RPSA2: variants seen among roughly 807,000 people sequenced by gnomAD.
RPSA2 encodes small ribosomal subunit protein uS2B.
the RPSA2 span, among the ~76,000 whole-genome samples, chr19:23,779,528 TTATTTTTGCTAATCACC>T: frequency 2.3e-4 from 35 of 152,306 alleles, 1 homozygote; most frequent in Non-Finnish European, 2.4e-4. Context: ...ATTAGGACAT[TTATTTTTGCTAATCACC>T]TAAGTGATAT....
the RPSA2 span, among the ~76,000 whole-genome samples, chr19:23,797,706 C>T: frequency 6.6e-6 from 1 of 152,130 alleles, no homozygotes; most frequent in Non-Finnish European, 1.5e-5. Flanking sequence ...ATTGTTGTGT[C>T]AGAATCTAAA....
At chr19:23,868,680 C>A in the RPSA2 span, among the ~76,000 whole-genome samples, 3 of 152,106 alleles carry the variant, frequency 2.0e-5, no homozygotes, top group African/African-American at 7.2e-5. Context: ...TTATGGAAAT[C>A]CCTGGAAGAA....
the RPSA2 span, among the ~76,000 whole-genome samples, chr19:23,836,703 G>A: frequency 6.6e-6 from 1 of 152,104 alleles, no homozygotes; most frequent in Admixed American, 6.6e-5. Flanking sequence ...TTTGATTACG[G>A]CCATTCCTGC....
chr19:23,784,013 G>A, the RPSA2 span, among the ~76,000 whole-genome samples: 15 of 152,154 alleles, frequency 9.9e-5, no homozygotes, highest in Admixed American at 2.0e-4. Flanking sequence ...CCCTGGCCCA[G>A]CACACAGTTG....
chr19:23,783,410 A>G, the RPSA2 span, among the ~76,000 whole-genome samples: 1 of 152,002 alleles, frequency 6.6e-6, no homozygotes, highest in Non-Finnish European at 1.5e-5. Context: ...CATTTATTTC[A>G]ACATATCTCT....
chr19:23,773,943 C>A, the RPSA2 span, among the ~76,000 whole-genome samples: 2 of 152,138 alleles, frequency 1.3e-5, no homozygotes, highest in East Asian at 3.9e-4. Context: ...TAATTTCATC[C>A]CTGCACCTTC....
chr19:23,854,740 A>G, the RPSA2 span, among the ~76,000 whole-genome samples: 1 of 152,222 alleles, frequency 6.6e-6, no homozygotes, highest in Non-Finnish European at 1.5e-5. Flanking sequence ...GACTGCAATT[A>G]TAGCAGGCTC....
the RPSA2 span, among the ~76,000 whole-genome samples, chr19:23,764,988 T>C: frequency 6.6e-6 from 1 of 152,080 alleles, no homozygotes; most frequent in Non-Finnish European, 1.5e-5. Context: ...ACAGTGGCCA[T>C]ATATCTTGGA....
the RPSA2 span, among the ~76,000 whole-genome samples, chr19:23,794,936 A>G: frequency 6.6e-6 from 1 of 152,170 alleles, no homozygotes; most frequent in African/African-American, 2.4e-5. Flanking sequence ...TAAATAGGGA[A>G]TTCTTTCCAC....
At chr19:23,764,894 A>G in the RPSA2 span, among the ~76,000 whole-genome samples, 11 of 151,776 alleles carry the variant, frequency 7.2e-5, no homozygotes, top group African/African-American at 2.7e-4. Flanking sequence ...TTTGCTTTGG[A>G]GAAATTACAG....
the RPSA2 span, among the ~76,000 whole-genome samples, chr19:23,775,180 G>A: frequency 6.6e-6 from 1 of 152,152 alleles, no homozygotes; most frequent in Non-Finnish European, 1.5e-5. Flanking sequence ...TTGTTTTTGT[G>A]TATGCACACT....
At chr19:23,827,408 G>A in the RPSA2 span, 6 of 1,453,942 alleles carry the variant, frequency 4.1e-6, no homozygotes, top group South Asian at 5.7e-5. Flanking sequence ...CAGGAATACT[G>A]GCCAGAGGGC....
the RPSA2 span, among the ~76,000 whole-genome samples, chr19:23,836,451 C>T: frequency 6.6e-6 from 1 of 152,134 alleles, no homozygotes; most frequent in Non-Finnish European, 1.5e-5. Context: ...CAGAATTTTG[C>T]AATTGTGAAT....
chr19:23,847,718 G>A, the RPSA2 span, among the ~76,000 whole-genome samples: 4 of 152,138 alleles, frequency 2.6e-5, no homozygotes, highest in African/African-American at 9.7e-5. Flanking sequence ...ATCCTAGTAA[G>A]CCTGAGGGTA....
chr19:23,779,001 T>TTG, the RPSA2 span, among the ~76,000 whole-genome samples: 505 of 133,642 alleles, frequency 3.8e-3, 6 homozygotes, highest in Non-Finnish European at 4.4e-3. Flanking sequence ...GACACTTTTT[T>TTG]TTTTTTTTTT....
the RPSA2 span, among the ~76,000 whole-genome samples, chr19:23,806,661 A>G: frequency 2.6e-5 from 4 of 151,530 alleles, no homozygotes; most frequent in Admixed American, 2.0e-4. Context: ...GGCACGTGCT[A>G]GTAGTCCCAG....
chr19:23,760,915 T>A, the RPSA2 span, among the ~76,000 whole-genome samples: 3 of 151,414 alleles, frequency 2.0e-5, no homozygotes, highest in African/African-American at 7.3e-5. Context: ...TCTGCCCACC[T>A]CGGCCTCCCA....
At chr19:23,859,086 G>A in the RPSA2 span, among the ~76,000 whole-genome samples, 1 of 152,144 alleles carries the variant, frequency 6.6e-6, no homozygotes, top group Non-Finnish European at 1.5e-5. Context: ...TCCTTGACAT[G>A]AGATGATGTA....
chr19:23,863,849 T>G, the RPSA2 span, among the ~76,000 whole-genome samples: 1 of 152,198 alleles, frequency 6.6e-6, no homozygotes. Context: ...TATCTCTTTC[T>G]TATCATAATA....
Sources: gnomAD v4.1 joint callset for allele counts (sites outside exome capture counted in the v4.1 genomes callset) on GRCh38, gnomAD v4.1.1 for gene constraint, MANE v1.5 for transcripts, NCBI Gene and HGNC (gene_info 2026-07-23, HGNC 2026-07-21) for gene names.